Variants in NFIA observed in about 807,000 individuals in gnomAD.
NFIA encodes the protein nuclear factor I A, also known as nuclear factor 1 A-type.
Under a neutral mutation model 62.8 loss-of-function variants are expected in NFIA, and 8 were observed. The ratio of observed to expected loss-of-function variants is 0.13; its 90% CI spans 0.07 to 0.23. The LOEUF (loss-of-function observed/expected upper bound fraction) is 0.23, where lower values mean the gene tolerates loss of function less well. Ranked by LOEUF, NFIA falls within the 10% of genes least tolerant of loss-of-function variation. The probability of loss-of-function intolerance (pLI) is 1.00; values close to 1 mark genes in which losing one functional copy is unlikely to be tolerated. For synonymous variants in NFIA, 235 were observed against 238.1 expected (o/e 0.99, Z 0.12); for missense variants, 410 against 642.1 (o/e 0.64, Z 3.91).
intron 10 of NFIA, among the ~76,000 whole-genome samples, chr1:61,427,583 G>C (rs1389742150): frequency 6.6e-6 from 1 of 152,138 alleles, no homozygotes; most frequent in Non-Finnish European, 1.5e-5. Flanking sequence ...GGATAGATTT[G>C]CCTTCCTGGG....
At chr1:61,292,956 G>C (rs1056934859) in intron 3 of NFIA, among the ~76,000 whole-genome samples, 2 of 152,106 alleles carry the variant, frequency 1.3e-5, no homozygotes, top group Non-Finnish European at 2.9e-5. Flanking sequence ...TCCTGTGCCC[G>C]TATGTTGGGT....
At chr1:61,303,758 G>A (rs537513254) in intron 3 of NFIA, among the ~76,000 whole-genome samples, 1 of 152,252 alleles carries the variant, frequency 6.6e-6, no homozygotes, top group South Asian at 2.1e-4. Flanking sequence ...TCCTAACAAG[G>A]GTCCAAGTGA....
At chr1:61,341,286 C>T (rs978574201) in intron 4 of NFIA, among the ~76,000 whole-genome samples, 1 of 151,874 alleles carries the variant, frequency 6.6e-6, no homozygotes, top group Non-Finnish European at 1.5e-5. Flanking sequence ...CTCCTGACCT[C>T]GTGATCCGCC....
chr1:61,256,879 G>A (rs1225382492), intron 2 of NFIA, among the ~76,000 whole-genome samples: 1 of 152,064 alleles, frequency 6.6e-6, no homozygotes, highest in Non-Finnish European at 1.5e-5. Context: ...ATGTGTGTGT[G>A]CTTGTGCCAG....
intron 2 of NFIA, among the ~76,000 whole-genome samples, chr1:61,275,660 C>T (rs1657765233): frequency 6.6e-6 from 1 of 151,984 alleles, no homozygotes; most frequent in Admixed American, 6.6e-5. Flanking sequence ...TTTTAATTTT[C>T]CCTAAAACAA....
intron 9 of NFIA, among the ~76,000 whole-genome samples, chr1:61,418,993 C>A (rs1666482351): frequency 6.6e-6 from 1 of 152,202 alleles, no homozygotes; most frequent in Non-Finnish European, 1.5e-5. Flanking sequence ...TAAACATTTT[C>A]TGTCAATTGA....
rs757101415 is a variant in NFIA at position 61,406,572 on chromosome 1, G to C, written c.1265G>C (p.Ser422Thr). The change falls in exon 9 of 11, where the codon AGC becomes ACC. Residue 422 changes from serine to threonine, a missense_variant. This residue lies in a region of NFIA where 298 missense variants were observed against 438.1 expected (regional missense o/e 0.68). Transcript: ENST00000403491. ...CCCCCCCCCCCACAGCCCAATGGGA[G>C]CAGCCAAGGCAAGGTGCACAACCCA... Reference protein sequence around the residue: ...GQVGFLNPNGSSQGKVHNPFL... With the variant: ...GQVGFLNPNGTSQGKVHNPFL... 27 of 1,024,840 alleles carry C rather than the reference G, an allele frequency of 2.6e-5. No individual in the cohort carries two copies. Among genetic ancestry groups the C allele is most frequent in the Non-Finnish European group, 3.6e-5 (26 of 718,898 alleles). The allele number at this position is 1,024,840 out of a possible 1,614,324, so 63.5% of individuals were successfully genotyped here. A position where few individuals can be genotyped will look rare whatever the true frequency, so the allele number is the denominator to read the frequency against.
intron 2 of NFIA, among the ~76,000 whole-genome samples, chr1:61,260,863 A>G (rs898082362): frequency 6.6e-6 from 1 of 152,168 alleles, no homozygotes; most frequent in Non-Finnish European, 1.5e-5. Context: ...TACAGGCGTG[A>G]GCCCCTGCGC....
At chr1:61,423,137 CAGATTAGTGCAA>C in intron 9 of NFIA, among the ~76,000 whole-genome samples, 1 of 151,726 alleles carries the variant, frequency 6.6e-6, no homozygotes, top group African/African-American at 2.4e-5. Flanking sequence ...AAAATATGGT[CAGATTAGTGCAA>C]ATGAGATCTG....
intron 10 of NFIA, among the ~76,000 whole-genome samples, chr1:61,429,478 C>T (rs1667008181): frequency 6.6e-6 from 1 of 152,150 alleles, no homozygotes; most frequent in African/African-American, 2.4e-5. Context: ...GGGGATATTC[C>T]AACAGCAACT....
At chr1:61,262,265 T>A (rs545220599) in intron 2 of NFIA, among the ~76,000 whole-genome samples, 1 of 152,338 alleles carries the variant, frequency 6.6e-6, no homozygotes, top group South Asian at 2.1e-4. Flanking sequence ...TACCAGCTTT[T>A]CACAGTGAGG....
intron 6 of NFIA, among the ~76,000 whole-genome samples, chr1:61,370,698 G>T (rs149115947): frequency 6.6e-6 from 1 of 152,096 alleles, no homozygotes; most frequent in Non-Finnish European, 1.5e-5. Context: ...GGTCCAGCAC[G>T]CTCAGCCCAC....
chr1:61,257,366 C>T (rs1233922672), intron 2 of NFIA, among the ~76,000 whole-genome samples: 2 of 106,016 alleles, frequency 1.9e-5, no homozygotes, highest in African/African-American at 3.7e-5. Flanking sequence ...GAGACAGAGT[C>T]TCCCTCTGTC....
chr1:61,245,460 A>T lies in NFIA; in HGVS notation c.560-32060A>T, dbSNP rs563121850. Among the ~76,000 whole-genome samples, 6 of 152,316 alleles carry T rather than the reference A, an allele frequency of 3.9e-5. No homozygotes were observed. In the East Asian group the frequency reaches 9.6e-4, roughly 24 times the overall value. ...TTCTTCAGGGGAAAAAATGTTATAA[A>T]AATGATTTTAACACTTTGTTCACAA... On this transcript the variant is annotated intron_variant, in intron 2 of 10. Coordinates refer to ENST00000403491, the MANE Select transcript of NFIA (RefSeq NM_001134673.4).
intron 6 of NFIA, among the ~76,000 whole-genome samples, chr1:61,370,642 T>C (rs1164385135): frequency 2.0e-5 from 3 of 152,162 alleles, no homozygotes; most frequent in African/African-American, 4.8e-5. Flanking sequence ...AGTGTAACTT[T>C]GGTTCTTGAT....
chr1:61,252,982 G>T (rs932211782), intron 2 of NFIA, among the ~76,000 whole-genome samples: 1 of 152,194 alleles, frequency 6.6e-6, no homozygotes, highest in East Asian at 1.9e-4. Context: ...TATATCTTGG[G>T]ATGAGATGTG....
At position 61,216,567 on chromosome 1, in the gene NFIA, C is replaced by T. The variant is rs536661115; in HGVS notation, c.560-60953C>T. Reference sequence around the variant, plus strand: ...TAAAAACCTGCTCAATTCAACAAAACATGATTGATTGCTCAGGTAAATTAA... The same window carrying T: ...TAAAAACCTGCTCAATTCAACAAAATATGATTGATTGCTCAGGTAAATTAA... On this transcript the variant is annotated intron_variant, in intron 2 of 10. Transcript: ENST00000403491. 6.6e-5 allele frequency among the ~76,000 whole-genome samples: 10 copies of T among 152,310 alleles called. No homozygotes were observed. In the South Asian group the frequency reaches 1.7e-3, roughly 25 times the overall value.
At chr1:61,164,403 G>A (rs552889558) in intron 2 of NFIA, among the ~76,000 whole-genome samples, 1 of 152,218 alleles carries the variant, frequency 6.6e-6, no homozygotes, top group Non-Finnish European at 1.5e-5. Flanking sequence ...TGGCTGCAAG[G>A]AAGCTTGGGA....
At chr1:61,109,067 T>G (rs912807023) in intron 2 of NFIA, among the ~76,000 whole-genome samples, 12 of 151,876 alleles carry the variant, frequency 7.9e-5, no homozygotes, top group African/African-American at 2.9e-4. Context: ...TATAGAACCC[T>G]TAAGTAGCAT....
Sources: gnomAD v4.1 joint callset for allele counts (sites outside exome capture counted in the v4.1 genomes callset) on GRCh38, gnomAD v4.1.1 for gene constraint, gnomAD v4.1.1 regional missense constraint, MANE v1.5 for transcripts, NCBI Gene and HGNC (gene_info 2026-07-23, HGNC 2026-07-21) for gene names.